ROBO2: variants seen among roughly 807,000 people sequenced by gnomAD.
ROBO2 encodes roundabout guidance receptor 2, also known as roundabout homolog 2.
In ROBO2, 53 loss-of-function variants were observed where a neutral mutation model predicts 160.8. The observed-to-expected ratio is 0.33, with a 90% CI of 0.26 to 0.41. ROBO2 has a LOEUF of 0.41. ROBO2 is among the 10% of genes least tolerant of loss of function. The pLI, the probability that ROBO2 is intolerant of heterozygous loss-of-function variation, is 1.00. For synonymous variants in ROBO2, 664 were observed against 611.7 expected, an observed-to-expected ratio of 1.09 and a Z score of -1.26; for missense variants, 1,577 against 1,722.4, an observed-to-expected ratio of 0.92 and a Z score of 1.49.
At chr3:77,375,996 C>T (rs9872529) in intron 2 of ROBO2, among the ~76,000 whole-genome samples, 46,562 of 151,846 alleles carry the variant, frequency 0.31, 7,695 homozygotes, top group Non-Finnish European at 0.38. Flanking sequence ...ATGTTTGTGC[C>T]TTGAGTTTCT....
At chr3:76,443,626 C>T (rs753243185) in intron 2 of ROBO2, among the ~76,000 whole-genome samples, 3 of 152,154 alleles carry the variant, frequency 2.0e-5, no homozygotes, top group Non-Finnish European at 2.9e-5. Flanking sequence ...ACAAGGTAAT[C>T]ACTAGAAAAG....
chr3:76,183,008 T>G (rs928161730), intron 2 of ROBO2, among the ~76,000 whole-genome samples: 2 of 152,068 alleles, frequency 1.3e-5, no homozygotes, highest in Non-Finnish European at 2.9e-5. Flanking sequence ...CAGAGCTATG[T>G]TGGGTGATTT....
At chr3:75,995,073 A>C (rs1203921417) in intron 2 of ROBO2, among the ~76,000 whole-genome samples, 1 of 152,204 alleles carries the variant, frequency 6.6e-6, no homozygotes, top group Non-Finnish European at 1.5e-5. Context: ...GAAAATTTGC[A>C]GCCTGACAAT....
chr3:76,493,337 T>TTTATATATATATATA (rs1460408407), intron 2 of ROBO2, among the ~76,000 whole-genome samples: 1 of 104,830 alleles, frequency 9.5e-6, no homozygotes, highest in African/African-American at 3.5e-5. Flanking sequence ...AGACAAAAAA[T>TTTATATATATATATA]TATATATATA....
At chr3:77,564,816 T>C (rs920364792) in intron 11 of ROBO2, 138 bp from the exon 13 acceptor site, 11 of 803,906 alleles carry the variant, frequency 1.4e-5, no homozygotes, top group Non-Finnish European at 2.3e-5. Flanking sequence ...TTTCATTTAT[T>C]GGGCTGAATA....
intron 2 of ROBO2, among the ~76,000 whole-genome samples, chr3:77,465,076 C>T (rs752663844): frequency 3.3e-5 from 5 of 151,880 alleles, no homozygotes; most frequent in Non-Finnish European, 5.9e-5. Flanking sequence ...TTCACAACAG[C>T]CGTAATTTGT....
intron 2 of ROBO2, among the ~76,000 whole-genome samples, chr3:76,325,262 G>A (rs1469143704): frequency 2.0e-5 from 3 of 152,170 alleles, no homozygotes; most frequent in Non-Finnish European, 4.4e-5. Flanking sequence ...CATTATGAAT[G>A]TCAACTTTTA....
intron 2 of ROBO2, among the ~76,000 whole-genome samples, chr3:76,039,937 T>C (rs1174934949): frequency 6.6e-6 from 1 of 152,088 alleles, no homozygotes; most frequent in Non-Finnish European, 1.5e-5. Context: ...CTTTGAATTC[T>C]GTACATTACA....
chr3:76,474,072 A>C (rs1036455015), intron 2 of ROBO2, among the ~76,000 whole-genome samples: 5 of 152,168 alleles, frequency 3.3e-5, no homozygotes, highest in African/African-American at 1.2e-4. Context: ...TTATAGAGTA[A>C]GTTCCTCTTC....
At chr3:77,335,709 C>CG (rs1004429559) in intron 2 of ROBO2, among the ~76,000 whole-genome samples, 2 of 151,920 alleles carry the variant, frequency 1.3e-5, no homozygotes, top group Admixed American at 1.3e-4. Flanking sequence ...TTCTCTGATT[C>CG]GGAGTAGCCA....
rs1318158338 is a variant in ROBO2, at chr3:76,968,701, T to C, written c.110-129313T>C. The stretch of plus-strand genomic sequence containing the variant: ...TAAATTTGAGGCTTGTAGGCTATTA[T>C]ATGCATGTTTTCGTCAGGTTTGTAT... On this transcript the variant is annotated intron_variant, in intron 2 of 26. Transcript: ENST00000487694. 4.6e-5 allele frequency among the ~76,000 whole-genome samples: 7 copies of C among 152,320 alleles called. No homozygotes were observed. In the South Asian group the frequency reaches 8.3e-4, roughly 18 times the overall value.
At chr3:76,807,236 A>G (rs1466829528) in intron 2 of ROBO2, among the ~76,000 whole-genome samples, 1 of 152,064 alleles carries the variant, frequency 6.6e-6, no homozygotes, top group Non-Finnish European at 1.5e-5. Flanking sequence ...GCATGTCAGT[A>G]GTGGAATAGT....
chr3:77,178,299 A>G (rs1215197588), intron 2 of ROBO2, among the ~76,000 whole-genome samples: 1 of 152,034 alleles, frequency 6.6e-6, no homozygotes, highest in Non-Finnish European at 1.5e-5. Flanking sequence ...GAAGTTTCCA[A>G]TGCACAAAGA....
chr3:76,823,672 A>G (rs1313690567), intron 2 of ROBO2, among the ~76,000 whole-genome samples: 1 of 152,194 alleles, frequency 6.6e-6, no homozygotes, highest in Non-Finnish European at 1.5e-5. Context: ...GAGTAAAAAC[A>G]TCCCAGGCAA....
At chr3:76,684,823 A>G (rs2092649146) in intron 2 of ROBO2, among the ~76,000 whole-genome samples, 1 of 152,106 alleles carries the variant, frequency 6.6e-6, no homozygotes, top group Non-Finnish European at 1.5e-5. Flanking sequence ...TGTTACATAA[A>G]GTTATCTTTC....
intron 2 of ROBO2, among the ~76,000 whole-genome samples, chr3:76,564,121 G>T (rs766607513): frequency 5.3e-5 from 8 of 152,192 alleles, no homozygotes; most frequent in Admixed American, 4.6e-4. Context: ...CACGAGAATC[G>T]CATGAACCTG....
intron 2 of ROBO2, among the ~76,000 whole-genome samples, chr3:76,996,023 G>C (rs1168945326): frequency 1.3e-5 from 2 of 152,092 alleles, no homozygotes; most frequent in African/African-American, 4.8e-5. Context: ...TGAAGTCCTT[G>C]CCCATGCCTA....
chr3:77,240,165 G>A (rs1370154731), intron 2 of ROBO2, among the ~76,000 whole-genome samples: 22 of 152,114 alleles, frequency 1.4e-4, no homozygotes, highest in African/African-American at 1.2e-4. Context: ...GGGGAGGCTC[G>A]GGCCACGCAG....
intron 2 of ROBO2, among the ~76,000 whole-genome samples, chr3:76,220,348 CA>C (rs1042480836): frequency 0.01 from 1,512 of 146,602 alleles, 31 homozygotes; most frequent in African/African-American, 0.035. Flanking sequence ...AAAGAGAAAA[CA>C]AAAAAAAAAC....
Sources: gnomAD v4.1 joint callset for allele counts (sites outside exome capture counted in the v4.1 genomes callset) on GRCh38, gnomAD v4.1.1 for gene constraint, MANE v1.5 for transcripts, NCBI Gene and HGNC (gene_info 2026-07-23, HGNC 2026-07-21) for gene names.